Variants in PCDHA8 observed in about 807,000 individuals in gnomAD.
The protein encoded by PCDHA8 is protocadherin alpha-8.
Under a neutral mutation model 61.8 loss-of-function variants are expected in PCDHA8, and 53 were observed. The observed-to-expected ratio is 0.86, with a 90% CI of 0.69 to 1.08. The LOEUF is 1.08. Ranked by LOEUF, PCDHA8 falls within the 50% of genes least tolerant of loss-of-function variation. The pLI is 0.00. For missense variants in PCDHA8, 1,293 were observed against 1,245.0 expected, an observed-to-expected ratio of 1.04 and a Z score of -0.58; for synonymous variants, 618 against 556.6, an observed-to-expected ratio of 1.11 and a Z score of -1.55.
chr5:140,891,281 G>A (rs1554184772), intron 1 of PCDHA8, among the ~76,000 whole-genome samples: 2 of 151,886 alleles, frequency 1.3e-5, no homozygotes, highest in African/African-American at 4.8e-5. Context: ...GTAAGTTATT[G>A]GGGGTACAGG....
rs193129915 is a variant in PCDHA8 at position 140,907,396 on chromosome 5, T to C, written c.2394+63681T>C. On this transcript the variant is annotated intron_variant, in intron 1 of 3. Coordinates refer to ENST00000531613, the MANE Select transcript of PCDHA8 (RefSeq NM_018911.3). The stretch of plus-strand genomic sequence containing the variant: ...TGAGTGCCTTGGTCAAAGGCAATGC[T>C]GTGTGGAATACCACGATGGTGGATA... Among the ~76,000 whole-genome samples, 1,220 of 152,314 alleles carry C rather than the reference T, an allele frequency of 8.0e-3. 6 individuals are homozygous for C. Among genetic ancestry groups the C allele is most frequent in the African/African-American group, 0.019 (787 of 41,564 alleles).
At chr5:140,982,207 C>T (rs868956427) in intron 2 of PCDHA8, 8 of 429,564 alleles carry the variant, frequency 1.9e-5, no homozygotes, top group East Asian at 1.5e-4. Flanking sequence ...ATTTAGTGAG[C>T]GCCACATGGC....
rs1347683940 is a variant in PCDHA8 at position 140,847,266 on chromosome 5, A to C, written c.2394+3551A>C. ...CAAAATAAATCACGACTTTTGAAAG[A>C]AGGTTGAACGGGAAGACAAACTCAG... is the stretch of plus-strand genomic sequence containing the variant. On this transcript the variant is annotated intron_variant, in intron 1 of 3. Coordinates refer to ENST00000531613, the MANE Select transcript of PCDHA8 (RefSeq NM_018911.3). Among the ~76,000 whole-genome samples the C allele has an allele frequency of 6.0e-5, 9 of 149,874 alleles. 2 individuals carry two copies. Among genetic ancestry groups the C allele is most frequent in the African/African-American group, 2.2e-4 (9 of 40,946 alleles).
At chr5:140,952,705 T>C (rs2094784320) in intron 1 of PCDHA8, among the ~76,000 whole-genome samples, 1 of 152,160 alleles carries the variant, frequency 6.6e-6, no homozygotes, top group Non-Finnish European at 1.5e-5. Context: ...TATCCCACTC[T>C]CAGTATCAAT....
At chr5:140,947,896 G>A (rs1355775996) in intron 1 of PCDHA8, among the ~76,000 whole-genome samples, 5 of 151,478 alleles carry the variant, frequency 3.3e-5, no homozygotes, top group Non-Finnish European at 7.4e-5. Context: ...AACAGAAGTG[G>A]TGAGAGCAGA....
rs1554169418 is a variant in PCDHA8 at position 140,877,179 on chromosome 5, G to C, written c.2394+33464G>C. 3 of 1,613,712 alleles carry C rather than the reference G, an allele frequency of 1.9e-6. No individual in the cohort carries two copies. The South Asian group carries it at 3.3e-5, about 18-fold the overall frequency. ...ACGCGCCGGCACTGCTGGCGACTCCGGCTGGCAGCGCAGGAGGCGCAGTTA... is the reference window on the plus strand; with the variant it reads ...ACGCGCCGGCACTGCTGGCGACTCCCGCTGGCAGCGCAGGAGGCGCAGTTA... On this transcript the variant is annotated intron_variant, in intron 1 of 3. Coordinates refer to ENST00000531613, the MANE Select transcript of PCDHA8 (RefSeq NM_018911.3).
chr5:140,875,313 C>T, intron 1 of PCDHA8: 3 of 1,425,730 alleles, frequency 2.1e-6, no homozygotes, highest in Non-Finnish European at 9.1e-7. Flanking sequence ...CACCCACATT[C>T]CAATCATTCA....
chr5:140,882,882 T>C (rs1554175954), intron 1 of PCDHA8: 2 of 1,614,206 alleles, frequency 1.2e-6, no homozygotes, highest in Non-Finnish European at 1.7e-6. Context: ...AGAGAGGAAA[T>C]TCAGGAACAT....
chr5:140,919,694 ATTAAC>A (rs1313954013), intron 1 of PCDHA8, among the ~76,000 whole-genome samples: 5 of 152,200 alleles, frequency 3.3e-5, no homozygotes, highest in Non-Finnish European at 7.3e-5. Context: ...TCAGATTTAT[ATTAAC>A]TTAATTCTAG....
In PCDHA8 at chr5:140,843,577, A is replaced by T; in HGVS notation, c.2256A>T (p.Gln752His). 6.3e-7 allele frequency: 1 copy of T among 1,595,954 alleles called. No homozygotes were observed. The change falls in exon 1 of 4, where the codon CAA becomes CAT. Residue 752 changes from glutamine to histidine, a missense_variant. Coordinates refer to ENST00000531613, the MANE Select transcript of PCDHA8 (RefSeq NM_018911.3). ...SSAVGSWSYS[Q>H]QQPQRVCSGE... ...CGGTGGGGAGCTGGTCATACTCGCA[A>T]CAACAGCCGCAGAGGGTGTGCTCTG...
At chr5:140,880,861 T>C (rs1416708298) in intron 1 of PCDHA8, among the ~76,000 whole-genome samples, 1 of 152,188 alleles carries the variant, frequency 6.6e-6, no homozygotes, top group African/African-American at 2.4e-5. Context: ...AGTCTAATTA[T>C]GTGAAGAGGT....
At chr5:140,897,841 C>G (rs1272606504) in intron 1 of PCDHA8, among the ~76,000 whole-genome samples, 2 of 152,282 alleles carry the variant, frequency 1.3e-5, no homozygotes, top group South Asian at 2.1e-4. Flanking sequence ...CACATCCTCT[C>G]CAGCACCTGT....
chr5:140,921,124 G>A (rs1017756296), intron 1 of PCDHA8, among the ~76,000 whole-genome samples: 1 of 146,978 alleles, frequency 6.8e-6, no homozygotes, highest in Non-Finnish European at 1.5e-5. Flanking sequence ...AGGACTACAG[G>A]TGCACACCAC....
At chr5:140,966,259 G>C (rs1358322921) in intron 1 of PCDHA8, 1 of 340,612 alleles carries the variant, frequency 2.9e-6, no homozygotes, top group Non-Finnish European at 5.3e-6. Context: ...AGACGGTGGA[G>C]ACTGGATGAA....
intron 1 of PCDHA8, among the ~76,000 whole-genome samples, chr5:140,944,072 A>C (rs868935645): frequency 6.6e-6 from 1 of 152,218 alleles, no homozygotes; most frequent in Non-Finnish European, 1.5e-5. Context: ...CTTGTTAAAG[A>C]TAAAGGAGGC....
chr5:140,900,817 A>G (rs2068314504), intron 1 of PCDHA8, among the ~76,000 whole-genome samples: 1 of 152,154 alleles, frequency 6.6e-6, no homozygotes, highest in Non-Finnish European at 1.5e-5. Context: ...ACTAATTTAC[A>G]TTCCCACCAA....
intron 3 of PCDHA8, among the ~76,000 whole-genome samples, chr5:141,003,395 T>G (rs1217089473): frequency 6.6e-6 from 1 of 152,160 alleles, no homozygotes; most frequent in Non-Finnish European, 1.5e-5. Flanking sequence ...CACTGAAACC[T>G]CCGCCTCCCG....
chr5:140,983,113 A>G (rs2097027812), intron 3 of PCDHA8, among the ~76,000 whole-genome samples: 2 of 152,254 alleles, frequency 1.3e-5, no homozygotes, highest in Admixed American at 6.5e-5. Context: ...CTGCACATCA[A>G]CAACATTCTG....
intron 1 of PCDHA8, chr5:140,859,624 G>C (rs11749013): frequency 0.2 from 31,664 of 160,658 alleles, 6,158 homozygotes; most frequent in Middle Eastern, 0.25. Context: ...TTCTCTTTGA[G>C]TATGGAGATT....
Sources: allele counts gnomAD v4.1 joint callset (sites outside exome capture counted in the v4.1 genomes callset), GRCh38; gene constraint gnomAD v4.1.1; transcripts MANE v1.5; gene names NCBI Gene and HGNC (gene_info 2026-07-23, HGNC 2026-07-21).